The following MUC5B variants were observed in gnomAD, a reference collection of about 807,000 sequenced individuals.
MUC5B encodes the protein mucin 5B, oligomeric mucus/gel-forming, also known as mucin-5B.
A neutral mutation model predicts 376.9 loss-of-function variants in MUC5B; 116 were observed. The ratio of observed to expected loss-of-function variants is 0.31; its 90% CI spans 0.26 to 0.36. MUC5B has a LOEUF of 0.36. MUC5B is among the 10% of genes least tolerant of loss of function. MUC5B has a pLI of 1.00. For missense variants in MUC5B, 7,165 were observed against 7,769.9 expected (o/e 0.92, Z 2.93); for synonymous variants, 3,517 against 3,390.9 (o/e 1.04, Z -1.29).
At position 1,250,054 on chromosome 11, in the gene MUC5B, C is replaced by T; in HGVS notation, c.13174C>T (p.Leu4392Phe). ...CTCCACTCCGGGGACGACCTGGATC[C>T]TCACAGAGCTGACCACAGCAGCCAC... Reference protein sequence around the residue: ...PSSTPGTTWILTELTTAATTT... With the variant: ...PSSTPGTTWIFTELTTAATTT... Residue 4392 changes from leucine (L) to phenylalanine (F), a missense_variant, in exon 31 of 49, where the codon CTC becomes TTC. Physicochemically the swap from Leu to Phe is conservative, Grantham distance 22 (BLOSUM62 0). This residue lies in a region of MUC5B where 431 missense variants were observed against 390.4 expected (regional missense o/e 1.10). Coordinates refer to ENST00000529681, the MANE Select transcript of MUC5B (RefSeq NM_002458.3). 2.5e-6 allele frequency: 4 copies of T among 1,595,060 alleles called. No homozygotes were observed. The highest frequency in any genetic ancestry group is 3.4e-6 in the Non-Finnish European group (4 of 1,169,640).
Position 1,234,783 on chromosome 11 carries a change from A to AG in MUC5B, c.2630+108dup. On this transcript the variant is annotated intron_variant, in intron 21 of 48. Transcript: ENST00000529681. This position sits in a 1 kb window ranked among gnomAD's most constrained non-coding sequence, Gnocchi z 6.3. ...AGGGAGGGCAGGGGGCGGGGAGGGCAGGGGGCCAGCTGGCCAGGGTGAGGT... is the reference window on the plus strand; with the variant it reads ...AGGGAGGGCAGGGGGCGGGGAGGGCAGGGGGGCCAGCTGGCCAGGGTGAGGT... 5.6e-6 allele frequency: 1 copy of AG among 178,104 alleles called. No individual in the cohort carries two copies. The allele number at this position is 178,104 out of a possible 1,614,324, so 11.0% of individuals were successfully genotyped here.
In MUC5B at chr11:1,247,097, C is replaced by G. The variant is rs1277664020; in HGVS notation, c.10217C>G (p.Pro3406Arg). The G allele has an allele frequency of 4.5e-6, 7 of 1,563,672 alleles. No individual in the cohort carries two copies. In the East Asian group the frequency reaches 1.7e-4, roughly 38 times the overall value. Reference sequence around the variant, plus strand: ...ACAGCCACCGGCTCCACCACCAACCCCTCCTCAACTCCAGGGACAACTCCC... The same window carrying G: ...ACAGCCACCGGCTCCACCACCAACCGCTCCTCAACTCCAGGGACAACTCCC... ...TITATGSTTN[P>R]SSTPGTTPIP... Residue 3406 changes from proline to arginine, a missense_variant, in exon 31 of 49, where the codon CCC (proline) becomes CGC (arginine). Around this residue, in one of 31 missense-constraint regions of MUC5B, gnomAD observed 939 missense variants for 770.6 expected, o/e 1.22. Coordinates refer to ENST00000529681, the MANE Select transcript of MUC5B (RefSeq NM_002458.3).
Position 1,252,929 on chromosome 11 carries a change from A to G in MUC5B, c.15166A>G (p.Ile5056Val). ...NVTCVNKHLPIKVSDPSQPCD... is the reference protein window; with the variant it reads ...NVTCVNKHLPVKVSDPSQPCD... ...CACCTGCGTGAACAAGCACCTGCCC[A>G]TCAAAGTGTCGGACCCGAGCCAGCC... The change falls in exon 33 of 49, where the codon ATC becomes GTC. Residue 5056 changes from isoleucine (I) to valine (V), a missense_variant. This residue lies in a region of MUC5B where 842 missense variants were observed against 1,016.9 expected (regional missense o/e 0.83). Transcript: ENST00000529681. 3.7e-6 allele frequency: 6 copies of G among 1,612,694 alleles called. No homozygotes were observed. In the South Asian group the frequency reaches 5.5e-5, roughly 15 times the overall value.
In MUC5B at chr11:1,241,280, C is replaced by T. The variant is rs1284573243; in HGVS notation, c.4400C>T (p.Thr1467Ile). 1 of 1,597,788 alleles carries T rather than the reference C, an allele frequency of 6.3e-7. No homozygotes were observed. Among genetic ancestry groups the T allele is most frequent in the Non-Finnish European group, 8.5e-7 (1 of 1,172,334 alleles). Reference sequence around the variant, plus strand: ...CAGACCACAGCAACCGAAAAGACCACCCTATGGGTGACCCCGAGCATCCGG... The same window carrying T: ...CAGACCACAGCAACCGAAAAGACCATCCTATGGGTGACCCCGAGCATCCGG... The part of the protein sequence containing the change: ...PTQTTATEKT[T>I]LWVTPSIRST... The change falls in exon 31 of 49, where the codon ACC becomes ATC. Residue 1467 changes from threonine to isoleucine, a missense_variant. Physicochemically the swap from Thr to Ile is moderately conservative, Grantham distance 89. Around this residue, in one of 31 missense-constraint regions of MUC5B, gnomAD observed 517 missense variants for 545.3 expected, o/e 0.95. Transcript: ENST00000529681.
rs1202177687 is a variant in MUC5B at position 1,232,668 on chromosome 11, T to C, written c.1963T>C (p.Cys655Arg). 8.7e-6 allele frequency: 14 copies of C among 1,601,506 alleles called. No homozygotes were observed. Among genetic ancestry groups the C allele is most frequent in the Non-Finnish European group, 1.2e-5 (14 of 1,174,868 alleles). Residue 655 changes from cysteine (C) to arginine (R), a missense_variant, in exon 17 of 49, where the codon TGT (cysteine) becomes CGT (arginine). Cys to Arg is a radical substitution (Grantham distance 180, BLOSUM62 -3). This residue lies in a region of MUC5B where 530 missense variants were observed against 604.0 expected (regional missense o/e 0.88). Transcript: ENST00000529681. ...GAACTGCATGTTTGACACCTGCAACTGTGAGCGGAGCGAGGACTGCCTGTG... is the reference window on the plus strand; with the variant it reads ...GAACTGCATGTTTGACACCTGCAACCGTGAGCGGAGCGAGGACTGCCTGTG... ...HSNCMFDTCNCERSEDCLCAA... is the reference protein window; with the variant it reads ...HSNCMFDTCNRERSEDCLCAA...
chr11:1,224,926 GT>G (rs977631920), intron 1 of MUC5B, among the ~76,000 whole-genome samples: 28 of 152,182 alleles, frequency 1.8e-4, no homozygotes, highest in Non-Finnish European at 3.8e-4. Flanking sequence ...GAGCTCTGGG[GT>G]CCTGTGAAGG....
Position 1,230,043 on chromosome 11 carries a change from C to G in MUC5B, c.1259C>G (p.Pro420Arg), listed in dbSNP as rs373012658. The G allele has an allele frequency of 6.2e-7, 1 of 1,609,928 alleles. No homozygotes were observed. The highest frequency in any genetic ancestry group is 8.5e-7 in the Non-Finnish European group (1 of 1,178,760). Residue 420 changes from proline to arginine, a missense_variant, in exon 11 of 49, where the codon CCG (proline) becomes CGG (arginine). This residue lies in a region of MUC5B where 640 missense variants were observed against 733.0 expected (regional missense o/e 0.87). Transcript: ENST00000529681. ...SGGLWQCQDL[P>R]CPGTCSVQGG... ...GGGCTATGGCAGTGCCAGGACCTGC[C>G]GTGCCCTGGCACCTGCTCTGTGCAG...
rs1356626445 is a variant in MUC5B at position 1,242,167 on chromosome 11, C to T, written c.5287C>T (p.Pro1763Ser). 1.9e-6 allele frequency: 3 copies of T among 1,613,532 alleles called. No individual in the cohort carries two copies. The highest frequency in any genetic ancestry group is 1.7e-6 in the Non-Finnish European group (2 of 1,179,884). Residue 1763 changes from proline to serine, a missense_variant, in exon 31 of 49, where the codon CCC becomes TCC. Physicochemically the swap from Pro to Ser is moderately conservative, Grantham distance 74. This residue lies in a region of MUC5B where 897 missense variants were observed against 779.6 expected (regional missense o/e 1.15). Coordinates refer to ENST00000529681, the MANE Select transcript of MUC5B (RefSeq NM_002458.3). ...CACCTCTCAGGCCGAGACCAGCACG[C>T]CCAGGACAGAGACGACAATGAGCCC... ...LSTSQAETST[P>S]RTETTMSPLT...
intron 17 of MUC5B, 121 bp downstream of exon 17, chr11:1,232,891 G>A (rs1408993685): frequency 2.1e-6 from 3 of 1,460,066 alleles, no homozygotes; most frequent in African/African-American, 2.8e-5. Flanking sequence ...CCTCATCCCA[G>A]CCTCGCAAGA....
At chr11:1,260,763 T>A in intron 48 of MUC5B, 35 bp downstream of exon 48, 1 of 1,503,008 alleles carries the variant, frequency 6.7e-7, no homozygotes, top group Non-Finnish European at 9.2e-7. Flanking sequence ...CAAGAGCACC[T>A]GCGTGTGGTG....
rs533424826 is a variant in MUC5B, at chr11:1,249,068, C to G, written c.12188C>G (p.Thr4063Ser). Residue 4063 changes from threonine to serine, a missense_variant, in exon 31 of 49, where the codon ACT becomes AGT. Thr to Ser is a moderately conservative substitution (Grantham distance 58). This residue lies in a region of MUC5B where 85 missense variants were observed against 78.2 expected (regional missense o/e 1.09). Coordinates refer to ENST00000529681, the MANE Select transcript of MUC5B (RefSeq NM_002458.3). ...ACCACCGGTACCACCCAGCACTCGA[C>G]TCCAGCCCTGTCCAGCCCTCACCCT... is the stretch of plus-strand genomic sequence containing the variant. ...AATTGTTQHS[T>S]PALSSPHPSS... 2.5e-6 allele frequency: 4 copies of G among 1,610,860 alleles called. No homozygotes were observed. The East Asian group carries it at 8.9e-5, about 36-fold the overall frequency.
Position 1,251,419 on chromosome 11 carries a change from A to T in MUC5B, c.14539A>T (p.Ile4847Phe). The T allele has an allele frequency of 1.2e-6, 2 of 1,612,648 alleles. No individual in the cohort carries two copies. The highest frequency in any genetic ancestry group is 1.7e-6 in the Non-Finnish European group (2 of 1,179,270). ...TLSSTPGTTWILTEPSTIATV... is the reference protein window; with the variant it reads ...TLSSTPGTTWFLTEPSTIATV... ...GTCCTCCACCCCAGGGACCACCTGG[A>T]TCCTCACAGAGCCGAGCACTATAGC... is the stretch of plus-strand genomic sequence containing the variant. The change falls in exon 31 of 49, where the codon ATC (isoleucine) becomes TTC (phenylalanine). Residue 4847 changes from isoleucine to phenylalanine, a missense_variant. By Grantham distance (21) the Ile-to-Phe change is conservative (BLOSUM62 0). Transcript: ENST00000529681.
rs1350099050 is a variant in MUC5B at position 1,248,908 on chromosome 11, A to T, written c.12028A>T (p.Thr4010Ser). 2.6e-6 allele frequency: 4 copies of T among 1,567,488 alleles called. No individual in the cohort carries two copies. In the South Asian group the frequency reaches 4.6e-5, roughly 18 times the overall value. The change falls in exon 31 of 49, where the codon ACC becomes TCC. Residue 4010 changes from threonine to serine, a missense_variant. By Grantham distance (58) the Thr-to-Ser change is moderately conservative. This residue lies in a region of MUC5B where 47 missense variants were observed against 98.5 expected (regional missense o/e 0.48). Transcript: ENST00000529681. ...ACCCCCAGTGCCGAACACCACGGCC[A>T]CCACACACGGGCGATCCCTGTCCCC... ...HTPPVPNTTA[T>S]THGRSLSPSS...
In MUC5B at chr11:1,234,356, C is replaced by A; in HGVS notation, c.2478+51C>A. On this transcript the variant is annotated intron_variant, in intron 20 of 48. Transcript: ENST00000529681. The surrounding 1 kb of genome is among the most constrained non-coding windows in gnomAD (Gnocchi z 6.3). ...TGGGCAGGGAAGGGGTCCCAGCTTT[C>A]CCAGCTCCCGAGCCCAGGGATCTGG... 5 of 1,533,974 alleles carry A rather than the reference C, an allele frequency of 3.3e-6. No individual in the cohort carries two copies. The highest frequency in any genetic ancestry group is 2.7e-6 in the Non-Finnish European group (3 of 1,129,048).
rs753627644 is a variant in MUC5B at position 1,255,353 on chromosome 11, G to A, written c.15891-30G>A. On this transcript the variant is annotated intron_variant, in intron 36 of 48. Coordinates refer to ENST00000529681, the MANE Select transcript of MUC5B (RefSeq NM_002458.3). ...CGCACGCAGCTCCCTGGGGCTGGGG[G>A]CCCTCCGTCCTGATCGCTTTGCCCC... The A allele has an allele frequency of 3.7e-5, 58 of 1,556,962 alleles. No individual in the cohort carries two copies. In the South Asian group the frequency reaches 6.4e-4, roughly 17 times the overall value.
intron 46 of MUC5B, 109 bp downstream of exon 46, chr11:1,260,194 G>GGCCCCACCCCTGCCTGGGAA: frequency 1.4e-6 from 2 of 1,399,770 alleles, no homozygotes; most frequent in Non-Finnish European, 1.9e-6. Context: ...CTGCTGGGGA[G>GGCCCCACCCCTGCCTGGGAA]GCCCCACCCC....
chr11:1,258,197 C>A lies in MUC5B; in HGVS notation c.16549C>A (p.Arg5517Ser), dbSNP rs754271876. The A allele has an allele frequency of 4.3e-5, 69 of 1,593,500 alleles. No homozygotes were observed. Among genetic ancestry groups the A allele is most frequent in the Non-Finnish European group, 5.6e-5 (66 of 1,171,634 alleles). ...GGAGGGCGACTGCTGTCCCACCTTC[C>A]GCTGCAGTGAGCGGGGCTGGGGCCG... ...QEEGDCCPTF[R>S]CRPQLCSYNG... Residue 5517 changes from arginine (R) to serine (S), a missense_variant, in exon 42 of 49, where the codon CGC becomes AGC. Coordinates refer to ENST00000529681, the MANE Select transcript of MUC5B (RefSeq NM_002458.3). This position sits in a 1 kb window ranked among gnomAD's most constrained non-coding sequence, Gnocchi z 5.5.
Position 1,234,317 on chromosome 11 carries a change from G to T in MUC5B, c.2478+12G>T. On this transcript the variant is annotated intron_variant, in intron 20 of 48. Transcript: ENST00000529681. The surrounding 1 kb of genome is among the most constrained non-coding windows in gnomAD (Gnocchi z 6.3). Reference sequence around the variant, plus strand: ...TGGACGTGGGCTGTGTGAGTTCCATGCTTCAGGGAGGGGTGGGCAGGGAAG... The same window carrying T: ...TGGACGTGGGCTGTGTGAGTTCCATTCTTCAGGGAGGGGTGGGCAGGGAAG... 6.4e-7 allele frequency: 1 copy of T among 1,570,410 alleles called. No homozygotes were observed.
chr11:1,251,783 C>T (rs765380845), intron 31 of MUC5B, 40 bp downstream of exon 31: 25 of 1,384,024 alleles, frequency 1.8e-5, no homozygotes, highest in Non-Finnish European at 2.4e-5. Context: ...CCTTTCCCCA[C>T]ATGCTATGCC....
Sources: gnomAD v4.1 joint callset for allele counts (sites outside exome capture counted in the v4.1 genomes callset) on GRCh38, gnomAD v4.1.1 for gene constraint, gnomAD v4.1.1 regional missense constraint, Gnocchi (gnomAD v3.1) non-coding constraint, MANE v1.5 for transcripts, NCBI Gene and HGNC (gene_info 2026-07-23, HGNC 2026-07-21) for gene names.